UNC13C: variants seen among roughly 807,000 people sequenced by gnomAD.
The protein encoded by UNC13C is protein unc-13 homolog C.
A neutral mutation model predicts 245.4 loss-of-function variants in UNC13C; 174 were observed. That is an observed-to-expected ratio of 0.71 (90% confidence interval 0.63 to 0.80). The LOEUF is 0.80. UNC13C is among the 30% of genes least tolerant of loss of function. UNC13C has a pLI of 0.00. For synonymous variants in UNC13C, 992 were observed against 895.1 expected, an observed-to-expected ratio of 1.11 and a Z score of -1.93; for missense variants, 2,829 against 2,602.9, an observed-to-expected ratio of 1.09 and a Z score of -1.89.
chr15:54,241,736 C>T (rs752449377), intron 7 of UNC13C, among the ~76,000 whole-genome samples: 13 of 152,244 alleles, frequency 8.5e-5, no homozygotes, highest in African/African-American at 1.2e-4. Context: ...ATACAGTGGC[C>T]GGCATGGCAG....
intron 24 of UNC13C, among the ~76,000 whole-genome samples, chr15:54,520,451 T>G (rs772431183): frequency 6.6e-6 from 1 of 152,162 alleles, no homozygotes; most frequent in Non-Finnish European, 1.5e-5. Context: ...CTTGGAAATA[T>G]AGACATGATT....
intron 20 of UNC13C, among the ~76,000 whole-genome samples, chr15:54,497,478 C>A (rs1490554567): frequency 6.6e-6 from 1 of 152,068 alleles, no homozygotes. Flanking sequence ...AAGGAAACCA[C>A]AGAGATATGA....
chr15:54,598,433 G>T (rs991512655), intron 30 of UNC13C, among the ~76,000 whole-genome samples: 10 of 152,088 alleles, frequency 6.6e-5, no homozygotes, highest in African/African-American at 2.2e-4. Flanking sequence ...CCATGACACT[G>T]CTTTGGGATT....
chr15:53,937,787 C>CA, the UNC13C span, among the ~76,000 whole-genome samples: 52,660 of 146,012 alleles, frequency 0.36, 9,146 homozygotes, highest in East Asian at 0.44. Flanking sequence ...CCAAAGTTAG[C>CA]TTCATAAGTG....
At chr15:54,462,232 CTA>C (rs1329293935) in intron 19 of UNC13C, among the ~76,000 whole-genome samples, 1 of 152,190 alleles carries the variant, frequency 6.6e-6, no homozygotes, top group Admixed American at 6.5e-5. Flanking sequence ...TATGAAGGGA[CTA>C]TTTATAGAGA....
chr15:54,027,612 C>A (rs1288420500), intron 2 of UNC13C, among the ~76,000 whole-genome samples: 1 of 152,130 alleles, frequency 6.6e-6, no homozygotes, highest in Non-Finnish European at 1.5e-5. Context: ...TTCAAATGAT[C>A]TGCCTGCCTC....
chr15:53,970,994 A>G, the UNC13C span, among the ~76,000 whole-genome samples: 1 of 152,122 alleles, frequency 6.6e-6, no homozygotes, highest in Non-Finnish European at 1.5e-5. Flanking sequence ...ACAGGCTTCA[A>G]TTTCTCCACA....
chr15:54,477,587 T>C lies in UNC13C; in HGVS notation c.4934-17021T>C, dbSNP rs1223446449. On this transcript the variant is annotated intron_variant, in intron 19 of 32. Coordinates refer to ENST00000260323, the MANE Select transcript of UNC13C (RefSeq NM_001080534.3). The stretch of plus-strand genomic sequence containing the variant: ...ATAATCATGTGGTTTTTGTCTTTGG[T>C]TCTGTTTATATGCTGGATTACATTT... 2.6e-5 allele frequency among the ~76,000 whole-genome samples: 3 copies of C among 115,260 alleles called. 1 individual carries two copies. The highest frequency in any genetic ancestry group is 8.6e-5 in the Admixed American group (1 of 11,658). 75.6% of individuals were successfully genotyped at this position (115,260 alleles called of 152,430 possible). A position where few individuals can be genotyped will look rare whatever the true frequency, so the allele number is the denominator to read the frequency against.
intron 1 of UNC13C, among the ~76,000 whole-genome samples, chr15:54,009,728 G>T (rs755179376): frequency 4.4e-4 from 67 of 151,966 alleles, no homozygotes; most frequent in Non-Finnish European, 7.6e-4. Context: ...TGTATTTTTA[G>T]TACAGATAGG....
intron 19 of UNC13C, among the ~76,000 whole-genome samples, chr15:54,418,638 A>G (rs1247331916): frequency 2.0e-5 from 3 of 152,158 alleles, no homozygotes; most frequent in African/African-American, 7.2e-5. Flanking sequence ...GGAAATAAAC[A>G]CATTATAATT....
At chr15:54,529,274 G>A (rs1319388715) in intron 25 of UNC13C, among the ~76,000 whole-genome samples, 2 of 152,092 alleles carry the variant, frequency 1.3e-5, no homozygotes, top group African/African-American at 4.8e-5. Flanking sequence ...ACAAGTGTAT[G>A]TATAACCCTG....
At chr15:54,181,232 G>A (rs28753075) in intron 4 of UNC13C, among the ~76,000 whole-genome samples, 16,174 of 151,856 alleles carry the variant, frequency 0.11, 1,449 homozygotes, top group African/African-American at 0.24. Flanking sequence ...ACCTAGTTAT[G>A]CAAGTATCAT....
chr15:54,226,453 T>C (rs2035386468), intron 4 of UNC13C, among the ~76,000 whole-genome samples: 1 of 152,182 alleles, frequency 6.6e-6, no homozygotes, highest in Non-Finnish European at 1.5e-5. Context: ...TGATTTGTAG[T>C]GTCACAGGGT....
chr15:53,915,728 C>A, the UNC13C span, among the ~76,000 whole-genome samples: 16 of 152,250 alleles, frequency 1.1e-4, no homozygotes, highest in African/African-American at 3.8e-4. Flanking sequence ...TATCAGCAAA[C>A]ATTTTAAAAG....
At chr15:54,321,589 T>C (rs2038160985) in intron 13 of UNC13C, 2 of 375,840 alleles carry the variant, frequency 5.3e-6, no homozygotes, top group African/African-American at 2.1e-5. Flanking sequence ...CAGACTCACA[T>C]TAACTTTTTT....
chr15:54,061,049 G>A lies in UNC13C; in HGVS notation c.2983+45163G>A, dbSNP rs533192016. Among the ~76,000 whole-genome samples the A allele has an allele frequency of 1.3e-4, 19 of 151,542 alleles. No individual in the cohort carries two copies. In the East Asian group the frequency reaches 2.1e-3, roughly 17 times the overall value. The stretch of plus-strand genomic sequence containing the variant: ...GAGTTAATGGGTGCAGCACACCAAC[G>A]TGGCACATGTATACATATGTAACAA... On this transcript the variant is annotated intron_variant, in intron 2 of 32. Coordinates refer to ENST00000260323, the MANE Select transcript of UNC13C (RefSeq NM_001080534.3).
chr15:54,415,193 A>C, intron 19 of UNC13C, 126 bp downstream of exon 19: 3 of 652,788 alleles, frequency 4.6e-6, no homozygotes, highest in Non-Finnish European at 7.3e-6. Flanking sequence ...TTTAGTTCTA[A>C]AACTTATTTC....
chr15:54,238,618 G>T (rs1335763389), intron 7 of UNC13C, among the ~76,000 whole-genome samples: 1 of 152,122 alleles, frequency 6.6e-6, no homozygotes. Flanking sequence ...ACAAGCTTCT[G>T]TTTTATTATT....
chr15:53,891,569 ATAGT>A, the UNC13C span, among the ~76,000 whole-genome samples: 1 of 152,230 alleles, frequency 6.6e-6, no homozygotes, highest in Admixed American at 6.5e-5. Context: ...TATATTTAAG[ATAGT>A]TAGCTCTTCT....
Sources: gnomAD v4.1 joint callset for allele counts (sites outside exome capture counted in the v4.1 genomes callset) on GRCh38, gnomAD v4.1.1 for gene constraint, MANE v1.5 for transcripts, NCBI Gene and HGNC (gene_info 2026-07-23, HGNC 2026-07-21) for gene names.